The following AKIRIN2 variants were observed in gnomAD, a reference collection of about 807,000 sequenced individuals.
AKIRIN2 encodes the protein akirin 2, also known as akirin-2.
Under a neutral mutation model 29.3 loss-of-function variants are expected in AKIRIN2, and 6 were observed. That is an observed-to-expected ratio of 0.20 (90% CI 0.11 to 0.40). The LOEUF is 0.40. Among genes scored for constraint, AKIRIN2 ranks in the 10% least tolerant of loss-of-function variants. The pLI is 1.00. For missense variants in AKIRIN2, 210 were observed against 276.1 expected (o/e 0.76, Z 1.70); for synonymous variants, 128 against 117.5 (o/e 1.09, Z -0.58).
At chr6:87,680,771 C>A (rs1350562519) in intron 2 of AKIRIN2, among the ~76,000 whole-genome samples, 8 of 87,748 alleles carry the variant, frequency 9.1e-5, no homozygotes, top group African/African-American at 3.8e-4. Context: ...CCGCCCCCCC[C>A]CTTTTTTTTT....
chr6:87,685,256 C>T (rs1295745972), intron 1 of AKIRIN2, among the ~76,000 whole-genome samples: 1 of 152,196 alleles, frequency 6.6e-6, no homozygotes, highest in South Asian at 2.1e-4. Context: ...TGGCCTCAAG[C>T]TCAATTTATT....
At chr6:87,694,071 CA>C (rs958815015) in intron 1 of AKIRIN2, among the ~76,000 whole-genome samples, 19 of 152,300 alleles carry the variant, frequency 1.2e-4, no homozygotes, top group African/African-American at 4.6e-4. Context: ...TTCATTTACT[CA>C]TCAGTTCAAC....
chr6:87,678,016 T>G, intron 2 of AKIRIN2, 49 bp from the exon 3 acceptor site: 1 of 1,515,794 alleles, frequency 6.6e-7, no homozygotes, highest in Non-Finnish European at 8.9e-7. Flanking sequence ...AGCCATGATA[T>G]AAAGCAGTTT....
Position 87,701,872 on chromosome 6 carries a change from G to A in AKIRIN2, c.-188C>T, listed in dbSNP as rs1771474066. The stretch of plus-strand genomic sequence containing the variant: ...TGCCGCCGCTGCCTCCGCGGCAGGG[G>A]CAGTGGCCAGGGACGGCCCGGGTGA... On this transcript the variant is annotated 5_prime_UTR_variant, in exon 1 of 5. Transcript: ENST00000257787. 1 of 450,070 alleles carries A rather than the reference G, an allele frequency of 2.2e-6. No individual in the cohort carries two copies. The allele number at this position is 450,070 out of a possible 1,614,324, so 27.9% of individuals were successfully genotyped here.
chr6:87,681,727 C>A lies in AKIRIN2; in HGVS notation c.272G>T (p.Arg91Leu). Residue 91 changes from arginine to leucine, a missense_variant, in exon 2 of 5, where the codon CGA (arginine) becomes CTA (leucine). By Grantham distance (102) the Arg-to-Leu change is moderately radical. Transcript: ENST00000257787. ...TTCTAAATGTCTTCTCTTCTGCATT[C>A]GTTTATACTCTTGTTTTATGTTGTA... is the stretch of plus-strand genomic sequence containing the variant. Reference protein sequence around the residue: ...ILYNIKQEYKRMQKRRHLETS... With the variant: ...ILYNIKQEYKLMQKRRHLETS... 2 of 1,609,484 alleles carry A rather than the reference C, an allele frequency of 1.2e-6. No individual in the cohort carries two copies. Among genetic ancestry groups the A allele is most frequent in the Non-Finnish European group, 1.7e-6 (2 of 1,177,288 alleles).
At position 87,701,432 on chromosome 6, in the gene AKIRIN2, C is replaced by A. The variant is rs1197911368; in HGVS notation, c.235+18G>T. ...CAGTTCTCTCCACTACCCCGGCGGC[C>A]GCGGGGCCGGGTCCCACCTGTGGTG... On this transcript the variant is annotated intron_variant, in intron 1 of 4. Transcript: ENST00000257787. 1 of 1,531,098 alleles carries A rather than the reference C, an allele frequency of 6.5e-7. No individual in the cohort carries two copies. Among genetic ancestry groups the A allele is most frequent in the African/African-American group, 1.4e-5 (1 of 70,466 alleles). 94.8% of individuals were successfully genotyped at this position (1,531,098 alleles called of 1,614,324 possible).
chr6:87,682,260 T>C (rs1232718097), intron 1 of AKIRIN2, among the ~76,000 whole-genome samples: 1 of 152,176 alleles, frequency 6.6e-6, no homozygotes, highest in Non-Finnish European at 1.5e-5. Flanking sequence ...ACAAAGTAGA[T>C]GGGAACTTAA....
chr6:87,687,856 A>T (rs2754259), intron 1 of AKIRIN2, among the ~76,000 whole-genome samples: 13,759 of 152,260 alleles, frequency 0.09, 675 homozygotes, highest in African/African-American at 0.12. Context: ...AGTAATAACA[A>T]AGAAAGCATG....
At chr6:87,696,432 T>C (rs1404928824) in intron 1 of AKIRIN2, among the ~76,000 whole-genome samples, 2 of 152,070 alleles carry the variant, frequency 1.3e-5, no homozygotes, top group Non-Finnish European at 2.9e-5. Context: ...CTGGGCGCAG[T>C]GGCTCACGTC....
In AKIRIN2 at chr6:87,675,278, C is replaced by T. The variant is rs1328388563; in HGVS notation, c.*319G>A. 5.5e-6 allele frequency: 2 copies of T among 364,424 alleles called. No homozygotes were observed. Among genetic ancestry groups the T allele is most frequent in the Non-Finnish European group, 1.0e-5 (2 of 199,384 alleles). The allele number at this position is 364,424 out of a possible 1,614,324, so 22.6% of individuals were successfully genotyped here. Reference sequence around the variant, plus strand: ...AAGTGTCATTCTACAGTTTTATTTACACAACCAGTGAAGGGCATGTTCTAG... The same window carrying T: ...AAGTGTCATTCTACAGTTTTATTTATACAACCAGTGAAGGGCATGTTCTAG... On this transcript the variant is annotated 3_prime_UTR_variant, in exon 5 of 5. Transcript: ENST00000257787.
intron 1 of AKIRIN2, among the ~76,000 whole-genome samples, chr6:87,683,927 T>C (rs1771152038): frequency 6.6e-6 from 1 of 152,156 alleles, no homozygotes; most frequent in South Asian, 2.1e-4. Context: ...GCTAGGATTA[T>C]AAGTGTGAGC....
chr6:87,676,438 C>A (rs1770988321), intron 3 of AKIRIN2, among the ~76,000 whole-genome samples: 1 of 105,046 alleles, frequency 9.5e-6, no homozygotes, highest in African/African-American at 4.1e-5. Context: ...TGCACTCCAG[C>A]CTGGGCAACA....
intron 2 of AKIRIN2, among the ~76,000 whole-genome samples, chr6:87,681,055 T>G (rs1053170037): frequency 1.3e-5 from 2 of 151,950 alleles, no homozygotes; most frequent in Non-Finnish European, 2.9e-5. Context: ...TTTTTTTTTT[T>G]GAGACAAAGT....
At chr6:87,678,902 G>A (rs1310688278) in intron 2 of AKIRIN2, among the ~76,000 whole-genome samples, 3 of 152,060 alleles carry the variant, frequency 2.0e-5, no homozygotes, top group Admixed American at 6.5e-5. Flanking sequence ...TTGGGAGGCC[G>A]AGGCAGGCGG....
intron 1 of AKIRIN2, among the ~76,000 whole-genome samples, chr6:87,690,969 T>TCAA (rs150004674): frequency 6.6e-6 from 1 of 152,020 alleles, no homozygotes; most frequent in South Asian, 2.1e-4. Flanking sequence ...TGAGACGGTT[T>TCAA]CAACAACAAC....
intron 1 of AKIRIN2, among the ~76,000 whole-genome samples, chr6:87,696,700 A>C (rs1205821527): frequency 6.0e-4 from 22 of 36,500 alleles, no homozygotes; most frequent in Admixed American, 2.8e-3. Context: ...GACTCCATCC[A>C]AAAAAAAAAA....
At chr6:87,685,167 C>A (rs1771168807) in intron 1 of AKIRIN2, among the ~76,000 whole-genome samples, 1 of 152,176 alleles carries the variant, frequency 6.6e-6, no homozygotes, top group Non-Finnish European at 1.5e-5. Context: ...AACATGTGAT[C>A]AACAATGTTA....
chr6:87,700,452 C>T (rs2754265), intron 1 of AKIRIN2: 13,277 of 152,194 alleles, frequency 0.087, 682 homozygotes, highest in African/African-American at 0.14. Context: ...ACAAAGGAAA[C>T]ATTTACACTT....
intron 2 of AKIRIN2, among the ~76,000 whole-genome samples, chr6:87,678,458 C>T (rs1387873161): frequency 2.0e-5 from 3 of 151,816 alleles, no homozygotes; most frequent in East Asian, 1.9e-4. Context: ...GCCGAGATCA[C>T]GCCATTGCAC....
Sources: gnomAD v4.1 joint callset for allele counts (sites outside exome capture counted in the v4.1 genomes callset) on GRCh38, gnomAD v4.1.1 for gene constraint, MANE v1.5 for transcripts, NCBI Gene and HGNC (gene_info 2026-07-23, HGNC 2026-07-21) for gene names.